SRSF7: variants seen among roughly 807,000 people sequenced by gnomAD.
The protein encoded by SRSF7 is serine/arginine-rich splicing factor 7.
Under a neutral mutation model 42.2 loss-of-function variants are expected in SRSF7, and 15 were observed. That is an observed-to-expected ratio of 0.36 (90% CI 0.24 to 0.55). The LOEUF (loss-of-function observed/expected upper bound fraction) is 0.55, where lower values mean the gene tolerates loss of function less well. SRSF7 is among the 20% of genes least tolerant of loss of function. The pLI, the probability that SRSF7 is intolerant of heterozygous loss-of-function variation, is 0.88. For synonymous variants in SRSF7, 138 were observed against 107.9 expected, an observed-to-expected ratio of 1.28 and a Z score of -1.73; for missense variants, 181 against 305.9, an observed-to-expected ratio of 0.59 and a Z score of 3.04.
intron 1 of SRSF7, among the ~76,000 whole-genome samples, 187 bp from the exon 2 acceptor site, chr2:38,750,381 A>G (rs1206883982): frequency 6.6e-6 from 1 of 151,984 alleles, no homozygotes; most frequent in African/African-American, 2.4e-5. Flanking sequence ...TAGACTTTTG[A>G]CAAAATTCTT....
Position 38,748,819 on chromosome 2 carries a change from A to C in SRSF7, c.387-166T>G. 7.9e-6 allele frequency: 10 copies of C among 1,262,126 alleles called. No homozygotes were observed. The South Asian group carries it at 9.4e-5, about 12-fold the overall frequency. The allele number at this position is 1,262,126 out of a possible 1,614,324, so 78.2% of individuals were successfully genotyped here. A position where few individuals can be genotyped will look rare whatever the true frequency, so the allele number is the denominator to read the frequency against. ...TTGAGTATTTTTTTTTTTACTACCT[A>C]AAAAAAGATTTGTTAAAAGCTGAAT... On this transcript the variant is annotated intron_variant, in intron 3 of 7. Transcript: ENST00000313117.
Position 38,750,017 on chromosome 2 carries a change from C to T in SRSF7, c.206G>A (p.Gly69Glu). The change falls in exon 2 of 8, where the codon GGA becomes GAA. Residue 69 changes from glycine (G) to glutamate (E), a missense_variant. Physicochemically the swap from Gly to Glu is moderately conservative, Grantham distance 98. Coordinates refer to ENST00000313117, the MANE Select transcript of SRSF7 (RefSeq NM_001031684.3). ...DAEDAVRGLD[G>E]KVICGSRVRV... is the part of the protein sequence containing the mutation. ...AGATTCATAACATCTTACTTACTTT[C>T]CATCCAGTCCTCGTACTGCATCTTC... 1 of 1,606,114 alleles carries T rather than the reference C, an allele frequency of 6.2e-7. No individual in the cohort carries two copies. Among genetic ancestry groups the T allele is most frequent in the Middle Eastern group, 1.7e-4 (1 of 6,020 alleles).
At chr2:38,749,386 AT>A (rs752502558) in intron 3 of SRSF7, 142 bp downstream of exon 3, 52 of 1,542,554 alleles carry the variant, frequency 3.4e-5, no homozygotes, top group Middle Eastern at 3.4e-4. Flanking sequence ...ATATAGTAAC[AT>A]TTTTTTAATT....
chr2:38,751,290 G>A lies in SRSF7; in HGVS notation c.-34C>T. ...ACCCGCGTGCTCGGCTCTTTAGCAA[G>A]CAGCGCCCAGGGCTCGAGTGACGCA... On this transcript the variant is annotated 5_prime_UTR_variant, in exon 1 of 8. Coordinates refer to ENST00000313117, the MANE Select transcript of SRSF7 (RefSeq NM_001031684.3). The A allele has an allele frequency of 1.2e-6, 2 of 1,613,986 alleles. No homozygotes were observed. Among genetic ancestry groups the A allele is most frequent in the Non-Finnish European group, 1.7e-6 (2 of 1,179,940 alleles).
chr2:38,748,236 C>T (rs1667775329), intron 4 of SRSF7, 79 bp from the exon 5 acceptor site: 1 of 1,072,188 alleles, frequency 9.3e-7, no homozygotes, highest in South Asian at 1.4e-5. Flanking sequence ...GGGAACGGTG[C>T]AGTGGCTCAT....
At chr2:38,745,296 A>G (rs1295054499) in intron 7 of SRSF7, 109 bp from the exon 8 acceptor site, 9 of 1,091,184 alleles carry the variant, frequency 8.2e-6, no homozygotes, top group Non-Finnish European at 1.2e-5. Flanking sequence ...CTAATTTCCT[A>G]TAGCAAAGAC....
intron 4 of SRSF7, 109 bp from the exon 5 acceptor site, chr2:38,748,266 C>G: frequency 1.2e-6 from 1 of 806,056 alleles, no homozygotes; most frequent in Non-Finnish European, 2.0e-6. Context: ...CCCAGCACTG[C>G]GGGAGGATCG....
chr2:38,750,583 G>A (rs891971030), intron 1 of SRSF7, among the ~76,000 whole-genome samples: 2 of 151,866 alleles, frequency 1.3e-5, no homozygotes, highest in Non-Finnish European at 2.9e-5. Flanking sequence ...GGCCGGGCCA[G>A]GAGAGCAGGG....
Position 38,744,759 on chromosome 2 carries a change from A to G in SRSF7, c.*374T>C. 1.0e-5 allele frequency: 2 copies of G among 190,656 alleles called. No individual in the cohort carries two copies. Among genetic ancestry groups the G allele is most frequent in the African/African-American group, 2.4e-5 (1 of 42,278 alleles). 11.8% of individuals were successfully genotyped at this position (190,656 alleles called of 1,614,324 possible). On this transcript the variant is annotated 3_prime_UTR_variant, in exon 8 of 8. Transcript: ENST00000313117. ...ATCCTGGCCAAGTTTTATGCATAGAATAGTGATGTTCAAGACTTAACCAAC... is the reference window on the plus strand; with the variant it reads ...ATCCTGGCCAAGTTTTATGCATAGAGTAGTGATGTTCAAGACTTAACCAAC...
At chr2:38,749,992 A>C (rs766268103) in intron 2 of SRSF7, 22 bp downstream of exon 2, 4 of 1,590,244 alleles carry the variant, frequency 2.5e-6, no homozygotes, top group Non-Finnish European at 2.6e-6. Flanking sequence ...AATGAACAGA[A>C]GATTCATAAC....
chr2:38,746,664 T>C, intron 6 of SRSF7, 30 bp downstream of exon 6: 2 of 1,611,590 alleles, frequency 1.2e-6, no homozygotes, highest in Non-Finnish European at 1.7e-6. Flanking sequence ...GCCATATAAC[T>C]AGAAAAGCAT....
chr2:38,749,871 A>T, intron 2 of SRSF7, 143 bp downstream of exon 2: 1 of 1,230,680 alleles, frequency 8.1e-7, no homozygotes, highest in Non-Finnish European at 1.1e-6. Flanking sequence ...TATCTTCTTT[A>T]ACCTTCGTGT....
intron 1 of SRSF7, 200 bp downstream of exon 1, chr2:38,751,029 G>A: frequency 1.6e-6 from 1 of 625,926 alleles, no homozygotes; most frequent in Non-Finnish European, 2.8e-6. Flanking sequence ...CCAAGAGTAC[G>A]GAACTCGGCA....
intron 5 of SRSF7, among the ~76,000 whole-genome samples, chr2:38,747,502 C>G (rs1261298215): frequency 6.6e-6 from 1 of 152,122 alleles, no homozygotes; most frequent in African/African-American, 2.4e-5. Context: ...CATTCTATCT[C>G]CTTTTAAGGC....
chr2:38,749,023 C>A, intron 3 of SRSF7: 1 of 1,292,170 alleles, frequency 7.7e-7, no homozygotes, highest in Non-Finnish European at 1.0e-6. Flanking sequence ...AAACTGACAG[C>A]CAAATGAGCC....
chr2:38,751,330 C>T lies in SRSF7; in HGVS notation c.-74G>A. ...CGAGTGACGCAAAAGCTGACACACA[C>T]CTTCACCCGCCAAGAGTCCCGGCGG... On this transcript the variant is annotated 5_prime_UTR_variant, in exon 1 of 8. It adds an upstream start codon to the 5' untranslated region. Coordinates refer to ENST00000313117, the MANE Select transcript of SRSF7 (RefSeq NM_001031684.3). The T allele has an allele frequency of 5.6e-6, 9 of 1,600,898 alleles. No homozygotes were observed. Among genetic ancestry groups the T allele is most frequent in the Non-Finnish European group, 6.0e-6 (7 of 1,170,990 alleles).
Position 38,751,261 on chromosome 2 carries a change from A to T in SRSF7, c.-5T>A. The T allele has an allele frequency of 6.2e-7, 1 of 1,614,036 alleles. No individual in the cohort carries two copies. On this transcript the variant is annotated 5_prime_UTR_variant, in exon 1 of 8. Transcript: ENST00000313117. Reference sequence around the variant, plus strand: ...GTACCGCCCGTAACGCGACATGATGACAGACCCGCGTGCTCGGCTCTTTAG... The same window carrying T: ...GTACCGCCCGTAACGCGACATGATGTCAGACCCGCGTGCTCGGCTCTTTAG...
At chr2:38,748,432 G>A (rs1667804264) in intron 4 of SRSF7, 147 bp downstream of exon 4, 5 of 794,616 alleles carry the variant, frequency 6.3e-6, no homozygotes, top group African/African-American at 1.7e-5. Flanking sequence ...CATCAAGGCA[G>A]CAGTGAGTCG....
At chr2:38,746,336 A>G (rs1377393838) in intron 6 of SRSF7, among the ~76,000 whole-genome samples, 157 bp from the exon 7 acceptor site, 1 of 152,206 alleles carries the variant, frequency 6.6e-6, no homozygotes, top group Admixed American at 6.5e-5. Flanking sequence ...ACAAAAGCCA[A>G]TCTTTCAACA....
Sources: allele counts gnomAD v4.1 joint callset (sites outside exome capture counted in the v4.1 genomes callset), GRCh38; gene constraint gnomAD v4.1.1; transcripts MANE v1.5; gene names NCBI Gene and HGNC (gene_info 2026-07-23, HGNC 2026-07-21).